The following TMEM114 variants were observed in gnomAD, a reference collection of about 807,000 sequenced individuals.
TMEM114 encodes the protein transmembrane protein 114.
In TMEM114, 6 loss-of-function variants were observed where a neutral mutation model predicts 6.2. That is an observed-to-expected ratio of 0.97 (90% CI 0.53 to 1.91). The LOEUF is 1.91. Ranked by LOEUF, TMEM114 falls within the 40% of genes most tolerant of loss-of-function variation. The pLI, the probability that TMEM114 is intolerant of heterozygous loss-of-function variation, is 0.01. For missense variants in TMEM114, 218 were observed against 158.3 expected, an observed-to-expected ratio of 1.38 and a Z score of -2.02; for synonymous variants, 104 against 73.0, an observed-to-expected ratio of 1.42 and a Z score of -2.16.
chr16:8,557,545 A>G (rs1192200938), intron 2 of TMEM114, among the ~76,000 whole-genome samples: 1 of 152,190 alleles, frequency 6.6e-6, no homozygotes, highest in African/African-American at 2.4e-5. Flanking sequence ...CAAGCAATAT[A>G]CAAGGGTCAC....
chr16:8,539,945 A>G (rs112259429), intron 2 of TMEM114, among the ~76,000 whole-genome samples: 14,573 of 152,066 alleles, frequency 0.096, 852 homozygotes, highest in Middle Eastern at 0.21. Context: ...AGCCTCTGGA[A>G]TAGCTGGGAT....
rs7198383 is a variant in TMEM114 at position 8,569,748 on chromosome 16, C to T, written c.*25G>A. 0.69 allele frequency: 1,047,955 copies of T among 1,529,392 alleles called. 359,757 individuals are homozygous for T. Among genetic ancestry groups the T allele is most frequent in the East Asian group, 0.75 (30,332 of 40,314 alleles). The allele number at this position is 1,529,392 out of a possible 1,614,324, so 94.7% of individuals were successfully genotyped here. On this transcript the variant is annotated 3_prime_UTR_variant, in exon 4 of 4. Transcript: ENST00000620492. ...AAGCTCCGGGGCCAAGCCCCTCCCT[C>T]CCCTCCACGACCCAGCGCCCAGGCT...
intron 2 of TMEM114, among the ~76,000 whole-genome samples, chr16:8,554,285 G>A (rs1005336379): frequency 6.6e-5 from 10 of 152,106 alleles, no homozygotes; most frequent in African/African-American, 1.2e-4. Context: ...GGCGGACAGA[G>A]TGGCTCAAGC....
intron 2 of TMEM114, among the ~76,000 whole-genome samples, chr16:8,542,160 C>A (rs936624780): frequency 6.6e-6 from 1 of 151,500 alleles, no homozygotes; most frequent in Non-Finnish European, 1.5e-5. Flanking sequence ...GGTCCCTTGA[C>A]CAAGGAGGAT....
At chr16:8,528,417 C>A in the TMEM114 span, among the ~76,000 whole-genome samples, 1 of 152,124 alleles carries the variant, frequency 6.6e-6, no homozygotes, top group African/African-American at 2.4e-5. Flanking sequence ...CTCTGCTGCC[C>A]CTTCTGACCT....
At chr16:8,550,745 CA>C (rs1237200701) in intron 2 of TMEM114, among the ~76,000 whole-genome samples, 3 of 150,656 alleles carry the variant, frequency 2.0e-5, no homozygotes, top group African/African-American at 7.3e-5. Context: ...TCCCTCCTAA[CA>C]CTCCAGCTCT....
intron 2 of TMEM114, among the ~76,000 whole-genome samples, chr16:8,552,546 G>C (rs1900880473): frequency 6.6e-6 from 1 of 151,950 alleles, no homozygotes; most frequent in Non-Finnish European, 1.5e-5. Context: ...AAGATCTGTA[G>C]TTTAACTAAC....
rs540782662 is a variant in TMEM114, at chr16:8,581,332, C to A, written c.301+7881G>T. ...TAATATTCCACAACATGAATATACA[C>A]CTATAAATGTCTAGCCATCTCTCCA... On this transcript the variant is annotated intron_variant, in intron 2 of 3. Coordinates refer to ENST00000620492, the MANE Select transcript of TMEM114 (RefSeq NM_001146336.2). Among the ~76,000 whole-genome samples the A allele has an allele frequency of 2.0e-5, 3 of 152,254 alleles. No homozygotes were observed. The South Asian group carries it at 6.2e-4, about 32-fold the overall frequency.
intron 2 of TMEM114, among the ~76,000 whole-genome samples, chr16:8,541,333 C>T (rs1338958846): frequency 6.6e-6 from 1 of 152,124 alleles, no homozygotes; most frequent in Non-Finnish European, 1.5e-5. Context: ...CAAATGAGGA[C>T]AGTCCAGGGT....
At chr16:8,564,649 ATGAG>A (rs1376179668), downstream of TMEM114, among the ~76,000 whole-genome samples, 3 of 65,050 alleles carry the variant, frequency 4.6e-5, no homozygotes, top group Non-Finnish European at 9.6e-5. Flanking sequence ...GAGTGAGTAA[ATGAG>A]TGAGTGAGGG....
intron 2 of TMEM114, among the ~76,000 whole-genome samples, chr16:8,555,230 C>A (rs1457678863): frequency 2.6e-5 from 4 of 152,186 alleles, no homozygotes; most frequent in Non-Finnish European, 4.4e-5. Flanking sequence ...AGGGTAAGTT[C>A]TTGGCTTAGC....
downstream of TMEM114, among the ~76,000 whole-genome samples, chr16:8,532,839 G>A (rs148604873): frequency 0.012 from 1,798 of 152,214 alleles, 25 homozygotes; most frequent in African/African-American, 0.039. Flanking sequence ...CAGGAGAATG[G>A]CATGAACCCA....
downstream of TMEM114, chr16:8,569,400 C>T (rs746689950): frequency 6.7e-6 from 7 of 1,045,692 alleles, no homozygotes; most frequent in African/African-American, 1.7e-5. Context: ...GCACCCTCTC[C>T]CTTTCCCAGA....
intron 2 of TMEM114, among the ~76,000 whole-genome samples, chr16:8,575,570 A>C (rs1049718973): frequency 1.3e-5 from 2 of 152,310 alleles, no homozygotes; most frequent in Admixed American, 1.3e-4. Context: ...AACACCTGCC[A>C]CCTATGCTCA....
At chr16:8,561,527 A>C (rs1031248100) in intron 2 of TMEM114, among the ~76,000 whole-genome samples, 1 of 152,224 alleles carries the variant, frequency 6.6e-6, no homozygotes, top group African/African-American at 2.4e-5. Context: ...TTCACTGCTA[A>C]ATCCTTGGTG....
chr16:8,576,051 G>C (rs1379599586), intron 2 of TMEM114, among the ~76,000 whole-genome samples: 1 of 152,116 alleles, frequency 6.6e-6, no homozygotes. Flanking sequence ...TTGGAACTCC[G>C]ACATCAGACG....
downstream of TMEM114, among the ~76,000 whole-genome samples, chr16:8,566,376 C>CA (rs71150401): frequency 0.21 from 29,276 of 142,758 alleles, 3,714 homozygotes; most frequent in African/African-American, 0.23. Context: ...GACGCAGTCT[C>CA]AAAAAAAAAA....
At chr16:8,562,040 ATGAG>A (rs1420352510) in intron 2 of TMEM114, among the ~76,000 whole-genome samples, 33 of 147,206 alleles carry the variant, frequency 2.2e-4, no homozygotes, top group South Asian at 8.7e-4. Context: ...GAGTGAGTAA[ATGAG>A]TGAGTGAGTG....
intron 2 of TMEM114, among the ~76,000 whole-genome samples, chr16:8,554,705 A>T (rs1456081143): frequency 6.6e-6 from 1 of 152,214 alleles, no homozygotes; most frequent in Non-Finnish European, 1.5e-5. Flanking sequence ...GAAATGAGTC[A>T]AATAAGAATC....
Sources: allele counts gnomAD v4.1 joint callset (sites outside exome capture counted in the v4.1 genomes callset), GRCh38; gene constraint gnomAD v4.1.1; transcripts MANE v1.5; gene names NCBI Gene and HGNC (gene_info 2026-07-23, HGNC 2026-07-21).